Variants in RAB30 observed in about 807,000 individuals in gnomAD.
RAB30 encodes RAB30, member RAS oncogene family, also known as ras-related protein Rab-30.
In RAB30, 9 loss-of-function variants were observed where a neutral mutation model predicts 25.1. The ratio of observed to expected loss-of-function variants is 0.36; its 90% CI spans 0.22 to 0.63. RAB30 has a LOEUF of 0.63. RAB30 is among the 20% of genes least tolerant of loss of function. The probability of loss-of-function intolerance (pLI) is 0.69; values close to 1 mark genes in which losing one functional copy is unlikely to be tolerated. For synonymous variants in RAB30, 77 were observed against 86.4 expected (o/e 0.89, Z 0.60); for missense variants, 140 against 243.5 (o/e 0.58, Z 2.83).
At chr11:82,988,296 A>T (rs1856781098) in intron 3 of RAB30, among the ~76,000 whole-genome samples, 1 of 152,346 alleles carries the variant, frequency 6.6e-6, no homozygotes, top group East Asian at 1.9e-4. Context: ...TCTTACTCAC[A>T]ATGCCATATT....
chr11:83,030,428 G>A lies in RAB30; in HGVS notation c.-8-33104C>T, dbSNP rs560861344. Among the ~76,000 whole-genome samples, 87 of 152,004 alleles carry A rather than the reference G, an allele frequency of 5.7e-4. 2 individuals are homozygous for A. The highest frequency in any genetic ancestry group is 2.0e-3 in the African/African-American group (84 of 41,430). ...TGGGAGGACTGCTTGATCTCAGGAG[G>A]TCAAGGCTATGTTGAGCCGTGTTCA... is the stretch of plus-strand genomic sequence containing the variant. On this transcript the variant is annotated intron_variant, in intron 1 of 4. Coordinates refer to ENST00000527633, the MANE Select transcript of RAB30 (RefSeq NM_001286060.2).
chr11:82,989,907 G>A (rs893184299), intron 3 of RAB30, among the ~76,000 whole-genome samples: 4 of 152,158 alleles, frequency 2.6e-5, no homozygotes, highest in African/African-American at 9.7e-5. Context: ...TACTGTGCTA[G>A]GCACATGGAG....
chr11:83,054,584 C>A (rs771776789), intron 1 of RAB30, among the ~76,000 whole-genome samples: 7 of 151,860 alleles, frequency 4.6e-5, no homozygotes, highest in African/African-American at 9.7e-5. Flanking sequence ...GTTGAGGCCA[C>A]GCATGGTGGC....
chr11:83,017,544 C>T (rs1857465609), intron 1 of RAB30, among the ~76,000 whole-genome samples: 1 of 151,892 alleles, frequency 6.6e-6, no homozygotes, highest in Admixed American at 6.6e-5. Flanking sequence ...TCCCACCTTT[C>T]CCCCCAAGTC....
intron 1 of RAB30, among the ~76,000 whole-genome samples, chr11:83,025,640 A>G (rs1352604743): frequency 6.6e-6 from 1 of 152,234 alleles, no homozygotes; most frequent in Admixed American, 6.5e-5. Flanking sequence ...AATAACGTAT[A>G]GCTGTTACTT....
At chr11:83,060,778 T>G (rs1333417142) in intron 1 of RAB30, among the ~76,000 whole-genome samples, 1 of 151,994 alleles carries the variant, frequency 6.6e-6, no homozygotes, top group Non-Finnish European at 1.5e-5. Flanking sequence ...TATTTGGGGG[T>G]GTGTCTGCAA....
intron 1 of RAB30, among the ~76,000 whole-genome samples, chr11:82,997,954 G>C (rs1391101805): frequency 1.3e-5 from 2 of 152,132 alleles, no homozygotes; most frequent in Non-Finnish European, 2.9e-5. Context: ...GCTTTGGTAT[G>C]TGCCATTTCT....
chr11:82,989,616 T>A (rs567705339), intron 3 of RAB30, among the ~76,000 whole-genome samples: 3 of 152,342 alleles, frequency 2.0e-5, no homozygotes, highest in Admixed American at 2.0e-4. Context: ...CTAAAACACT[T>A]GTGATTGCGA....
intron 4 of RAB30, 41 bp from the exon 5 acceptor site, chr11:82,982,456 C>CTTTTTGCAGGCTGG (rs752607530): frequency 1.3e-6 from 2 of 1,594,528 alleles, no homozygotes; most frequent in Admixed American, 3.4e-5. Flanking sequence ...CAGCATTTGA[C>CTTTTTGCAGGCTGG]TTTTTGCAGG....
intron 1 of RAB30, among the ~76,000 whole-genome samples, chr11:83,003,475 T>C (rs1301288607): frequency 6.6e-6 from 1 of 152,188 alleles, no homozygotes; most frequent in African/African-American, 2.4e-5. Context: ...CAGGCTGGAG[T>C]GCAATGGCGC....
chr11:83,059,731 C>A (rs1858527896), intron 1 of RAB30, among the ~76,000 whole-genome samples: 1 of 152,182 alleles, frequency 6.6e-6, no homozygotes, highest in African/African-American at 2.4e-5. Flanking sequence ...ATCTCGCCTA[C>A]TTTATCAGAT....
At chr11:83,037,398 C>T (rs1338475918) in intron 1 of RAB30, among the ~76,000 whole-genome samples, 1 of 151,736 alleles carries the variant, frequency 6.6e-6, no homozygotes, top group African/African-American at 2.4e-5. Context: ...TACAGGCGCC[C>T]ACCACCATGC....
chr11:83,063,351 C>G (rs954924243), intron 1 of RAB30, among the ~76,000 whole-genome samples: 7 of 152,194 alleles, frequency 4.6e-5, no homozygotes, highest in Admixed American at 3.3e-4. Flanking sequence ...AGGAAGTGAG[C>G]AGAAGATATT....
At chr11:83,030,103 T>C (rs907853073) in intron 1 of RAB30, among the ~76,000 whole-genome samples, 8 of 152,124 alleles carry the variant, frequency 5.3e-5, no homozygotes, top group Non-Finnish European at 8.8e-5. Context: ...CACTGTTTGG[T>C]TGACAGGTGC....
chr11:83,027,761 A>C (rs1338938972), intron 1 of RAB30, among the ~76,000 whole-genome samples: 1 of 152,184 alleles, frequency 6.6e-6, no homozygotes, highest in African/African-American at 2.4e-5. Context: ...AACATTTTCC[A>C]TTCCCCCAAT....
At chr11:82,996,860 GT>G (rs1307996731) in intron 2 of RAB30, among the ~76,000 whole-genome samples, 1 of 152,168 alleles carries the variant, frequency 6.6e-6, no homozygotes, top group Non-Finnish European at 1.5e-5. Flanking sequence ...TTTAGGTTCA[GT>G]TTGACGTCCA....
At chr11:83,049,648 A>AT (rs545391221) in intron 1 of RAB30, among the ~76,000 whole-genome samples, 4 of 148,980 alleles carry the variant, frequency 2.7e-5, no homozygotes, top group Non-Finnish European at 4.5e-5. Flanking sequence ...TGCCTGGTTA[A>AT]TTTTTTTTTT....
At chr11:83,057,476 C>T (rs1472981361) in intron 1 of RAB30, among the ~76,000 whole-genome samples, 2 of 152,062 alleles carry the variant, frequency 1.3e-5, no homozygotes, top group Non-Finnish European at 2.9e-5. Flanking sequence ...GAAGGAAAAG[C>T]TTATTCAAGT....
In RAB30 at chr11:82,977,799, A is replaced by G. The variant is rs1469069063; in HGVS notation, c.*4366T>C. 6.6e-6 allele frequency: 1 copy of G among 152,222 alleles called. No homozygotes were observed. Among genetic ancestry groups the G allele is most frequent in the Non-Finnish European group, 1.5e-5 (1 of 68,038 alleles). 9.4% of individuals were successfully genotyped at this position (152,222 alleles called of 1,614,324 possible). Reference sequence around the variant, plus strand: ...TCAAAGTATGGCTCCTGGAAATGATAATAACATTCCAACATCAAGGGACTG... The same window carrying G: ...TCAAAGTATGGCTCCTGGAAATGATGATAACATTCCAACATCAAGGGACTG... On this transcript the variant is annotated 3_prime_UTR_variant, in exon 5 of 5. Transcript: ENST00000527633.
Sources: allele counts gnomAD v4.1 joint callset (sites outside exome capture counted in the v4.1 genomes callset), GRCh38; gene constraint gnomAD v4.1.1; transcripts MANE v1.5; gene names NCBI Gene and HGNC (gene_info 2026-07-23, HGNC 2026-07-21).